Variants in LSM6 observed in about 807,000 individuals in gnomAD.
LSM6 encodes LSM6 homolog, U6 small nuclear RNA and mRNA degradation associated, also known as U6 snRNA-associated Sm-like protein LSm6.
A neutral mutation model predicts 13.5 loss-of-function variants in LSM6; 2 were observed. The observed-to-expected ratio is 0.15, with a 90% CI of 0.06 to 0.47. The LOEUF (loss-of-function observed/expected upper bound fraction) is 0.47. Ranked by LOEUF, LSM6 falls within the 20% of genes least tolerant of loss-of-function variation. The pLI, the probability that LSM6 is intolerant of heterozygous loss-of-function variation, is 0.97. For synonymous variants in LSM6, 43 were observed against 34.9 expected, an observed-to-expected ratio of 1.23 and a Z score of -0.82; for missense variants, 58 against 96.4, an observed-to-expected ratio of 0.60 and a Z score of 1.67.
At chr4:146,186,568 T>C (rs1042583954) in intron 2 of LSM6, among the ~76,000 whole-genome samples, 1 of 152,230 alleles carries the variant, frequency 6.6e-6, no homozygotes, top group Non-Finnish European at 1.5e-5. Flanking sequence ...TCAAACTGTT[T>C]CCTTGAAAGC....
intron 3 of LSM6, 124 bp downstream of exon 3, chr4:146,187,511 T>G: frequency 1.7e-6 from 1 of 585,016 alleles, no homozygotes; most frequent in East Asian, 2.9e-5. Context: ...TTTAAAATGC[T>G]TATATGTCAG....
In LSM6 at chr4:146,182,970, G is replaced by A. The variant is rs1313639370; in HGVS notation, c.49G>A (p.Gly17Arg). The A allele has an allele frequency of 1.9e-6, 3 of 1,613,304 alleles. No homozygotes were observed. The highest frequency in any genetic ancestry group is 2.5e-6 in the Non-Finnish European group (3 of 1,179,540). Residue 17 changes from glycine to arginine, a missense_variant, in exon 2 of 4, where the codon GGA becomes AGA. Coordinates refer to ENST00000296581, the MANE Select transcript of LSM6 (RefSeq NM_007080.3). ...TPSDFLKQII[G>R]RPVVVKLNSG... ...TAGTGACTTCTTAAAGCAAATCATC[G>A]GACGACCAGTTGTGGTAAAATTAAA... is the stretch of plus-strand genomic sequence containing the variant.
chr4:146,186,347 A>G (rs1186036826), intron 2 of LSM6, among the ~76,000 whole-genome samples: 1 of 152,166 alleles, frequency 6.6e-6, no homozygotes, highest in Non-Finnish European at 1.5e-5. Flanking sequence ...GAGAGTGAGG[A>G]GCATATTAAT....
In LSM6 at chr4:146,191,514, A is replaced by G. The variant is rs1482142851; in HGVS notation, c.*1858A>G. ...AGTGCTGCCATTTTTATGGTAATAA[A>G]GGACTGTATTATGCACTTGAACCCG... On this transcript the variant is annotated 3_prime_UTR_variant, in exon 4 of 4. Coordinates refer to ENST00000296581, the MANE Select transcript of LSM6 (RefSeq NM_007080.3). 6.6e-6 allele frequency: 1 copy of G among 152,254 alleles called. No homozygotes were observed. Among genetic ancestry groups the G allele is most frequent in the Non-Finnish European group, 1.5e-5 (1 of 68,052 alleles). The allele number at this position is 152,254 out of a possible 1,614,324, so 9.4% of individuals were successfully genotyped here.
Position 146,189,110 on chromosome 4 carries a change from G to A in LSM6, c.209-512G>A, listed in dbSNP as rs555579124. Among the ~76,000 whole-genome samples, 8 of 151,410 alleles carry A rather than the reference G, an allele frequency of 5.3e-5. No homozygotes were observed. The East Asian group carries it at 1.2e-3, about 22-fold the overall frequency. Reference sequence around the variant, plus strand: ...GCTCAAGCAGTCCTCCCACCTCAGCGTTCTAAGTCGCTGGGACTACAAGTG... The same window carrying A: ...GCTCAAGCAGTCCTCCCACCTCAGCATTCTAAGTCGCTGGGACTACAAGTG... On this transcript the variant is annotated intron_variant, in intron 3 of 3. Coordinates refer to ENST00000296581, the MANE Select transcript of LSM6 (RefSeq NM_007080.3).
chr4:146,185,934 G>A (rs1051339024), intron 2 of LSM6, among the ~76,000 whole-genome samples: 8 of 151,694 alleles, frequency 5.3e-5, no homozygotes, highest in Non-Finnish European at 1.2e-4. Flanking sequence ...ACGGGGTTTC[G>A]CCATGTTAGC....
intron 2 of LSM6, 56 bp from the exon 3 acceptor site, chr4:146,187,218 A>G (rs1319604813): frequency 4.3e-6 from 4 of 929,510 alleles, no homozygotes; most frequent in Non-Finnish European, 7.1e-6. Flanking sequence ...TATACCCTGT[A>G]ATTTTCAACT....
Position 146,190,061 on chromosome 4 carries a change from A to G in LSM6, c.*405A>G, listed in dbSNP as rs1425710652. 6.2e-6 allele frequency: 1 copy of G among 161,034 alleles called. No individual in the cohort carries two copies. The highest frequency in any genetic ancestry group is 1.3e-5 in the Non-Finnish European group (1 of 74,526). The allele number at this position is 161,034 out of a possible 1,614,324, so 10.0% of individuals were successfully genotyped here. ...TTTTGGAGGAATCCTCCTTTATTGC[A>G]TCCTTTTCTGTTCATACAGAATCCT... On this transcript the variant is annotated 3_prime_UTR_variant, in exon 4 of 4. Transcript: ENST00000296581.
Position 146,189,841 on chromosome 4 carries a change from A to T in LSM6, c.*185A>T, listed in dbSNP as rs1344649003. 1.9e-6 allele frequency: 1 copy of T among 527,002 alleles called. No homozygotes were observed. The highest frequency in any genetic ancestry group is 2.0e-5 in the African/African-American group (1 of 50,600). The allele number at this position is 527,002 out of a possible 1,614,324, so 32.6% of individuals were successfully genotyped here. A position where few individuals can be genotyped will look rare whatever the true frequency, so the allele number is the denominator to read the frequency against. ...ATTGTGAAATGTTCTTTCACTTGTA[A>T]GTTTCAGTCATTTTCTTTTACCTCG... On this transcript the variant is annotated 3_prime_UTR_variant, in exon 4 of 4. Transcript: ENST00000296581.
In LSM6 at chr4:146,190,267, G is replaced by A. The variant is rs1249061691; in HGVS notation, c.*611G>A. 1 of 152,384 alleles carries A rather than the reference G, an allele frequency of 6.6e-6. No individual in the cohort carries two copies. The highest frequency in any genetic ancestry group is 1.5e-5 in the Non-Finnish European group (1 of 68,170). 9.4% of individuals were successfully genotyped at this position (152,384 alleles called of 1,614,324 possible). On this transcript the variant is annotated 3_prime_UTR_variant, in exon 4 of 4. Transcript: ENST00000296581. ...ACTGAGGTGCTGGAGAAATCCTAAA[G>A]ATGAACAAGATTTCAGTGAGGAGAA... is the stretch of plus-strand genomic sequence containing the variant.
chr4:146,176,795 A>G (rs931284018), intron 1 of LSM6: 2 of 152,082 alleles, frequency 1.3e-5, no homozygotes, highest in African/African-American at 2.4e-5. Context: ...TTTTTACATC[A>G]TCTTAGCATC....
intron 1 of LSM6, among the ~76,000 whole-genome samples, chr4:146,181,643 T>G (rs1730234436): frequency 6.6e-6 from 1 of 152,160 alleles, no homozygotes; most frequent in Non-Finnish European, 1.5e-5. Context: ...ATGAAAAAAT[T>G]TCATTGAAAA....
At chr4:146,187,070 T>C (rs1442606871) in intron 2 of LSM6, among the ~76,000 whole-genome samples, 1 of 152,238 alleles carries the variant, frequency 6.6e-6, no homozygotes, top group Non-Finnish European at 1.5e-5. Flanking sequence ...TAGTAGTGGG[T>C]GCGTGACTGC....
At chr4:146,189,546 G>A in intron 3 of LSM6, 76 bp from the exon 4 acceptor site, 1 of 887,150 alleles carries the variant, frequency 1.1e-6, no homozygotes, top group Admixed American at 2.5e-5. Context: ...AAATCTGTTG[G>A]CTTTTAAACT....
At chr4:146,187,119 GT>G (rs1730367122) in intron 2 of LSM6, among the ~76,000 whole-genome samples, 154 bp from the exon 3 acceptor site, 3 of 152,166 alleles carry the variant, frequency 2.0e-5, no homozygotes, top group African/African-American at 7.2e-5. Context: ...GAGTTGTTTT[GT>G]GCTTAAGCTG....
intron 2 of LSM6, among the ~76,000 whole-genome samples, chr4:146,186,142 G>A (rs6816161): frequency 0.23 from 35,613 of 152,128 alleles, 4,799 homozygotes; most frequent in Non-Finnish European, 0.3. Context: ...ATGTAAAATA[G>A]TACAGCAGGA....
In LSM6 at chr4:146,191,490, G is replaced by A. The variant is rs1441060012; in HGVS notation, c.*1834G>A. The A allele has an allele frequency of 6.6e-6, 1 of 152,224 alleles. No individual in the cohort carries two copies. The highest frequency in any genetic ancestry group is 1.5e-5 in the Non-Finnish European group (1 of 68,058). 9.4% of individuals were successfully genotyped at this position (152,224 alleles called of 1,614,324 possible). A position where few individuals can be genotyped will look rare whatever the true frequency, so the allele number is the denominator to read the frequency against. On this transcript the variant is annotated 3_prime_UTR_variant, in exon 4 of 4. Coordinates refer to ENST00000296581, the MANE Select transcript of LSM6 (RefSeq NM_007080.3). ...TTTTAATCAAGATCAACTTTGGGAAGTGCTGCCATTTTTATGGTAATAAAG... is the reference window on the plus strand; with the variant it reads ...TTTTAATCAAGATCAACTTTGGGAAATGCTGCCATTTTTATGGTAATAAAG...
rs1027907985 is a variant in LSM6 at position 146,187,385 on chromosome 4, A to G, written c.206A>G (p.Asn69Ser). The change falls in exon 3 of 4, where the codon AAT becomes AGT. Residue 69 changes from asparagine (N) to serine (S), a missense_variant and splice_region_variant. Asn to Ser is a conservative substitution (Grantham distance 46, BLOSUM62 1). Transcript: ENST00000296581. ...GGGGATGCATTTATCCGAGGAAACA[A>G]TGGTAACATTTCTTCGCCCTACAGT... Reference protein sequence around the residue: ...KYGDAFIRGNNVLYISTQKRR... With the variant: ...KYGDAFIRGNSVLYISTQKRR... 5.1e-6 allele frequency: 8 copies of G among 1,580,024 alleles called. No individual in the cohort carries two copies. Among genetic ancestry groups the G allele is most frequent in the Admixed American group, 1.7e-5 (1 of 59,934 alleles).
intron 2 of LSM6, among the ~76,000 whole-genome samples, chr4:146,186,873 T>G (rs949191281): frequency 3.3e-5 from 5 of 152,218 alleles, no homozygotes; most frequent in African/African-American, 1.2e-4. Context: ...ACTTAGTGGC[T>G]AAAGTAGGAA....
Sources: gnomAD v4.1 joint callset for allele counts (sites outside exome capture counted in the v4.1 genomes callset) on GRCh38, gnomAD v4.1.1 for gene constraint, MANE v1.5 for transcripts, NCBI Gene and HGNC (gene_info 2026-07-23, HGNC 2026-07-21) for gene names.